POGZ: variants seen among roughly 807,000 people sequenced by gnomAD.
The protein encoded by POGZ is pogo transposable element with ZNF domain.
POGZ carries 17 observed loss-of-function variants against 134.6 expected under a neutral mutation model. The observed-to-expected ratio is 0.13, with a 90% confidence interval of 0.09 to 0.19. The LOEUF is 0.19. POGZ is among the 10% of genes least tolerant of loss of function. The pLI, the probability that POGZ is intolerant of heterozygous loss-of-function variation, is 1.00. For synonymous variants in POGZ, 693 were observed against 657.1 expected, an observed-to-expected ratio of 1.05 and a Z score of -0.84; for missense variants, 1,306 against 1,769.7, an observed-to-expected ratio of 0.74 and a Z score of 4.70.
At chr1:151,437,365 C>T (rs1659793483) in intron 3 of POGZ, among the ~76,000 whole-genome samples, 1 of 152,032 alleles carries the variant, frequency 6.6e-6, no homozygotes, top group African/African-American at 2.4e-5. Flanking sequence ...GAAATCTTTC[C>T]CTCTTCTGAG....
At position 151,408,811 on chromosome 1, in the gene POGZ, G is replaced by A; in HGVS notation, c.1944C>T (p.His648=). The part of the protein sequence containing the change: ...YMRHQKRNVY[H]CNKCRLQFLF... ...GAAACTGCAGCCGGCATTTGTTGCA[G>A]TGATAAACATTTCTCTTCTGAAGTG... The change falls in exon 13 of 19, where the codon CAC becomes CAT. Residue 648 remains histidine (H), a synonymous_variant. Coordinates refer to ENST00000271715, the MANE Select transcript of POGZ (RefSeq NM_015100.4). 6.2e-7 allele frequency: 1 copy of A among 1,612,950 alleles called. No individual in the cohort carries two copies. The highest frequency in any genetic ancestry group is 8.5e-7 in the Non-Finnish European group (1 of 1,179,720).
rs545762626 is a variant in POGZ, at chr1:151,405,038, C to T, written c.3997G>A (p.Asp1333Asn). ...CTTGTAGGTGAGTTAATGTTGCCAT[C>T]GGGGCCAGGCAGAACACTAGCCACC... is the stretch of plus-strand genomic sequence containing the variant. The part of the protein sequence containing the change: ...FLVASVLPGP[D>N]GNINSPTRNA... Residue 1333 changes from aspartate (D) to asparagine (N), a missense_variant, in exon 19 of 19, where the codon GAT becomes AAT. Transcript: ENST00000271715. This position sits in a 1 kb window ranked among gnomAD's most constrained non-coding sequence, Gnocchi z 4.9. The T allele has an allele frequency of 8.1e-6, 13 of 1,614,170 alleles. No individual in the cohort carries two copies. In the Admixed American group the frequency reaches 1.2e-4, roughly 14 times the overall value.
At chr1:151,423,331 C>T (rs1657253254) in intron 10 of POGZ, 66 bp downstream of exon 10, 9 of 1,348,056 alleles carry the variant, frequency 6.7e-6, no homozygotes, top group Admixed American at 1.7e-5. Context: ...TGGGCTCCCC[C>T]CAGCGCCATT....
At position 151,407,021 on chromosome 1, in the gene POGZ, C is replaced by T. The variant is rs1653769822; in HGVS notation, c.2435G>A (p.Gly812Glu). The T allele has an allele frequency of 1.2e-6, 2 of 1,611,726 alleles. No homozygotes were observed. Among genetic ancestry groups the T allele is most frequent in the East Asian group, 4.5e-5 (2 of 44,874 alleles). Residue 812 changes from glycine (G) to glutamate (E), a missense_variant and splice_region_variant, in exon 17 of 19, where the codon GGA (glycine) becomes GAA (glutamate). Physicochemically the swap from Gly to Glu is moderately conservative, Grantham distance 98. This residue lies in a region of POGZ where 34 missense variants were observed against 95.5 expected (regional missense o/e 0.36). Coordinates refer to ENST00000271715, the MANE Select transcript of POGZ (RefSeq NM_015100.4). ...ACATGAAGTGCAGGCCAGCTTGATT[C>T]CACTAAAAAAGAGAATTGAGACTAT... is the stretch of plus-strand genomic sequence containing the variant. ...YLALFKNSVS[G>E]IKLACTSCTF...
rs1433129774 is a variant in POGZ at position 151,411,783 on chromosome 1, A to G, written c.1780-12T>C. 5.6e-6 allele frequency: 9 copies of G among 1,601,860 alleles called. No homozygotes were observed. The highest frequency in any genetic ancestry group is 7.7e-6 in the Non-Finnish European group (9 of 1,175,884). ...CGATATTGACACACCTGAGTCACATAGGAGGGAAAATAAGGCTAAGAATGA... is the reference window on the plus strand; with the variant it reads ...CGATATTGACACACCTGAGTCACATGGGAGGGAAAATAAGGCTAAGAATGA... On this transcript the variant is annotated splice_polypyrimidine_tract_variant and intron_variant, in intron 11 of 18. Transcript: ENST00000271715.
chr1:151,443,017 C>T (rs1660773654), intron 1 of POGZ, among the ~76,000 whole-genome samples: 1 of 152,152 alleles, frequency 6.6e-6, no homozygotes, highest in South Asian at 2.1e-4. Context: ...GCAATAGAGA[C>T]TCCGTCTCAA....
rs2102166540 is a variant in POGZ at position 151,408,427 on chromosome 1, T to C, written c.2216A>G (p.Lys739Arg). Residue 739 changes from lysine (K) to arginine (R), a missense_variant, in exon 14 of 19, where the codon AAG becomes AGG. Lys to Arg is a conservative substitution (Grantham distance 26, BLOSUM62 2). This residue lies in a region of POGZ where 149 missense variants were observed against 237.5 expected (regional missense o/e 0.63). Coordinates refer to ENST00000271715, the MANE Select transcript of POGZ (RefSeq NM_015100.4). The part of the protein sequence containing the change: ...LYPPVQRSIQ[K>R]RAVRKMSVMG... ...CGCTGACATTTTCCTAACAGCTCTC[T>C]TCTGGATGCTGCGCTGGACAGGGGG... 6.3e-7 allele frequency: 1 copy of C among 1,593,970 alleles called. No individual in the cohort carries two copies. The highest frequency in any genetic ancestry group is 8.5e-7 in the Non-Finnish European group (1 of 1,174,922).
chr1:151,457,303 A>G (rs1294279415), intron 1 of POGZ, among the ~76,000 whole-genome samples: 1 of 152,232 alleles, frequency 6.6e-6, no homozygotes, highest in African/African-American at 2.4e-5. Context: ...CATCTTGAAC[A>G]CTTTTATGTT....
intron 1 of POGZ, among the ~76,000 whole-genome samples, chr1:151,448,450 A>G (rs1182656408): frequency 1.3e-5 from 2 of 152,160 alleles, no homozygotes; most frequent in Admixed American, 6.6e-5. Context: ...CATATCTATT[A>G]AAATTTTTAA....
At chr1:151,429,554 A>G (rs767165319) in intron 5 of POGZ, 49 bp downstream of exon 5, 1 of 937,340 alleles carries the variant, frequency 1.1e-6, no homozygotes. Context: ...AATAAAAACA[A>G]ATCTTCTGGA....
chr1:151,406,194 T>C lies in POGZ; in HGVS notation c.2841A>G (p.Glu947=). The stretch of plus-strand genomic sequence containing the variant: ...CAGGTTCTTGGGTGACTGGGCTCCC[T>C]TCATCCTGATCATCAACATTCAGAC... ...AECLNVDDQD[E]GSPVTQEPEL... Residue 947 remains glutamate (E), a synonymous_variant, in exon 19 of 19, where the codon GAA becomes GAG. Transcript: ENST00000271715. The C allele has an allele frequency of 6.2e-7, 1 of 1,614,152 alleles. No homozygotes were observed. Among genetic ancestry groups the C allele is most frequent in the Non-Finnish European group, 8.5e-7 (1 of 1,180,012 alleles).
At chr1:151,443,490 G>C (rs768090873) in intron 1 of POGZ, among the ~76,000 whole-genome samples, 1 of 152,122 alleles carries the variant, frequency 6.6e-6, no homozygotes, top group Non-Finnish European at 1.5e-5. Flanking sequence ...ACCTGAGGTC[G>C]GATCACCTGA....
At position 151,414,878 on chromosome 1, in the gene POGZ, T is replaced by C. The variant is rs182510890; in HGVS notation, c.1679-2482A>G. ...GGATTTAAGAGATCTCTGGTAACCT[T>C]TGACACATCAGTTCTACAGGGGAAG... On this transcript the variant is annotated intron_variant, in intron 10 of 18. Coordinates refer to ENST00000271715, the MANE Select transcript of POGZ (RefSeq NM_015100.4). Among the ~76,000 whole-genome samples, 16 of 152,320 alleles carry C rather than the reference T, an allele frequency of 1.1e-4. No individual in the cohort carries two copies. The East Asian group carries it at 2.1e-3, about 20-fold the overall frequency.
chr1:151,441,950 C>T (rs550471188), intron 2 of POGZ, 131 bp downstream of exon 2: 1 of 599,708 alleles, frequency 1.7e-6, no homozygotes, highest in Non-Finnish European at 2.9e-6. Context: ...GGAAAAAAGG[C>T]AGCACCAGTG....
chr1:151,431,670 T>C (rs968456032), intron 3 of POGZ, among the ~76,000 whole-genome samples: 1 of 152,208 alleles, frequency 6.6e-6, no homozygotes, highest in Non-Finnish European at 1.5e-5. Flanking sequence ...TTTCAGAAGA[T>C]AATGATTCAT....
intron 10 of POGZ, among the ~76,000 whole-genome samples, chr1:151,421,925 G>A (rs1178964197): frequency 6.6e-6 from 1 of 152,044 alleles, no homozygotes; most frequent in Non-Finnish European, 1.5e-5. Context: ...GCGAATTTTT[G>A]TATTTTTAGT....
chr1:151,426,544 CA>C (rs1162268376), intron 7 of POGZ: 1 of 152,084 alleles, frequency 6.6e-6, no homozygotes, highest in Non-Finnish European at 1.5e-5. Flanking sequence ...TTGAACTGCA[CA>C]AATTCTTTAT....
intron 1 of POGZ, among the ~76,000 whole-genome samples, chr1:151,455,706 C>T (rs1662680130): frequency 6.6e-6 from 1 of 152,118 alleles, no homozygotes; most frequent in African/African-American, 2.4e-5. Context: ...TTGCAAATCT[C>T]TTTTATGTCT....
At position 151,405,684 on chromosome 1, in the gene POGZ, T is replaced by A. The variant is rs781386041; in HGVS notation, c.3351A>T (p.Leu1117Phe). ...CAATAGCCACAATCATAGACAAGGGTAAGTCCTGGTTGTGAATCTGCCGTT... is the reference window on the plus strand; with the variant it reads ...CAATAGCCACAATCATAGACAAGGGAAAGTCCTGGTTGTGAATCTGCCGTT... ...FVQRQIHNQDLPLSMIVAIDE... is the reference protein window; with the variant it reads ...FVQRQIHNQDFPLSMIVAIDE... The change falls in exon 19 of 19, where the codon TTA (leucine) becomes TTT (phenylalanine). Residue 1117 changes from leucine (L) to phenylalanine (F), a missense_variant. By Grantham distance (22) the Leu-to-Phe change is conservative. Coordinates refer to ENST00000271715, the MANE Select transcript of POGZ (RefSeq NM_015100.4). The surrounding 1 kb of genome is among the most constrained non-coding windows in gnomAD (Gnocchi z 4.9). 6.2e-7 allele frequency: 1 copy of A among 1,614,124 alleles called. No homozygotes were observed. Among genetic ancestry groups the A allele is most frequent in the Non-Finnish European group, 8.5e-7 (1 of 1,180,006 alleles).
Sources: gnomAD v4.1 joint callset for allele counts (sites outside exome capture counted in the v4.1 genomes callset) on GRCh38, gnomAD v4.1.1 for gene constraint, gnomAD v4.1.1 regional missense constraint, Gnocchi (gnomAD v3.1) non-coding constraint, MANE v1.5 for transcripts, NCBI Gene and HGNC (gene_info 2026-07-23, HGNC 2026-07-21) for gene names.